Variants in KCNIP4 observed in about 807,000 individuals in gnomAD.
KCNIP4 encodes Kv channel-interacting protein 4.
KCNIP4 carries 12 observed loss-of-function variants against 34.0 expected under a neutral mutation model. That is an observed-to-expected ratio of 0.35 (90% confidence interval 0.23 to 0.57). The LOEUF is 0.57. KCNIP4 is among the 20% of genes least tolerant of loss of function. KCNIP4 has a pLI of 0.83. For synonymous variants in KCNIP4, 124 were observed against 102.2 expected, an observed-to-expected ratio of 1.21 and a Z score of -1.29; for missense variants, 238 against 311.7, an observed-to-expected ratio of 0.76 and a Z score of 1.78.
intron 1 of KCNIP4, among the ~76,000 whole-genome samples, chr4:21,114,890 C>T (rs867620634): frequency 6.6e-6 from 1 of 152,146 alleles, no homozygotes; most frequent in Non-Finnish European, 1.5e-5. Flanking sequence ...TATAAAGTCA[C>T]TCCTCCACTC....
intron 3 of KCNIP4, among the ~76,000 whole-genome samples, chr4:20,824,063 A>G (rs916951289): frequency 6.6e-6 from 1 of 152,180 alleles, no homozygotes; most frequent in African/African-American, 2.4e-5. Context: ...AATTCATAAT[A>G]ATGGTATCTA....
At chr4:21,822,546 T>C (rs983188744) in intron 1 of KCNIP4, among the ~76,000 whole-genome samples, 1 of 152,158 alleles carries the variant, frequency 6.6e-6, no homozygotes, top group Non-Finnish European at 1.5e-5. Context: ...ATTCATCTAG[T>C]GTTTTGTTCC....
At chr4:21,735,372 A>G (rs2109118875) in intron 1 of KCNIP4, among the ~76,000 whole-genome samples, 1 of 152,324 alleles carries the variant, frequency 6.6e-6, no homozygotes, top group East Asian at 1.9e-4. Context: ...TAAAACAAAG[A>G]TTACAAATAC....
chr4:21,574,517 C>G (rs1294643691), intron 1 of KCNIP4, among the ~76,000 whole-genome samples: 1 of 152,028 alleles, frequency 6.6e-6, no homozygotes, highest in Non-Finnish European at 1.5e-5. Flanking sequence ...TATATACTTA[C>G]AGGAGATGTT....
chr4:20,872,987 A>G (rs974368124), intron 2 of KCNIP4, among the ~76,000 whole-genome samples: 1 of 152,198 alleles, frequency 6.6e-6, no homozygotes, highest in Non-Finnish European at 1.5e-5. Flanking sequence ...CCTTATCTTG[A>G]TAAATTTCAC....
At chr4:20,932,461 TAGAC>T (rs1730579614) in intron 1 of KCNIP4, among the ~76,000 whole-genome samples, 1 of 128,284 alleles carries the variant, frequency 7.8e-6, no homozygotes, top group African/African-American at 3.6e-5. Flanking sequence ...TCTAATATTG[TAGAC>T]TATAATAGTC....
Position 20,837,623 on chromosome 4 carries a change from G to GATAT in KCNIP4, c.288+12916_288+12919dup, listed in dbSNP as rs34413889. Among the ~76,000 whole-genome samples, 765 of 143,874 alleles carry GATAT rather than the reference G, an allele frequency of 5.3e-3. 12 individuals carry two copies. The highest frequency in any genetic ancestry group is 0.018 in the African/African-American group (704 of 38,730). 94.4% of individuals were successfully genotyped at this position (143,874 alleles called of 152,430 possible). On this transcript the variant is annotated intron_variant, in intron 3 of 8. Coordinates refer to ENST00000382152, the MANE Select transcript of KCNIP4 (RefSeq NM_025221.6). ...AAAAATTATTTATTGAGTTCTCAGT[G>GATAT]ATATATATATATATAAATTATTTAT...
chr4:20,746,371 G>A (rs1012147454), intron 5 of KCNIP4, among the ~76,000 whole-genome samples: 18 of 151,996 alleles, frequency 1.2e-4, no homozygotes, highest in East Asian at 9.7e-4. Context: ...AGGGCATGTC[G>A]GAGGGTGGGG....
At chr4:21,210,933 A>G (rs959567528) in intron 1 of KCNIP4, among the ~76,000 whole-genome samples, 1 of 152,168 alleles carries the variant, frequency 6.6e-6, no homozygotes, top group Non-Finnish European at 1.5e-5. Context: ...CCACTTATAT[A>G]TTTTTTAGAA....
At chr4:21,816,746 G>T (rs1722011656) in intron 1 of KCNIP4, among the ~76,000 whole-genome samples, 1 of 152,090 alleles carries the variant, frequency 6.6e-6, no homozygotes, top group African/African-American at 2.4e-5. Flanking sequence ...TGACCCCAAA[G>T]CTTTCATTAG....
intron 1 of KCNIP4, among the ~76,000 whole-genome samples, chr4:21,079,877 C>G (rs545774590): frequency 3.3e-5 from 5 of 151,658 alleles, no homozygotes; most frequent in Non-Finnish European, 7.4e-5. Flanking sequence ...ACCCACAAGC[C>G]AAGTGATGGG....
At chr4:21,298,459 G>A (rs932143070) in intron 1 of KCNIP4, among the ~76,000 whole-genome samples, 1 of 152,064 alleles carries the variant, frequency 6.6e-6, no homozygotes, top group South Asian at 2.1e-4. Flanking sequence ...ATAAATAACA[G>A]TCGTCCTGGA....
rs751088823 is a variant in KCNIP4, at chr4:20,842,460, C to T, written c.288+8083G>A. 8.6e-5 allele frequency among the ~76,000 whole-genome samples: 13 copies of T among 151,794 alleles called. 1 individual carries two copies. Among genetic ancestry groups the T allele is most frequent in the African/African-American group, 4.8e-5 (2 of 41,330 alleles). ...GATGGTTGGTCAAGGCCTGGCTGAT[C>T]GTGAACTAGTTGGGTCACTGCAGTA... is the stretch of plus-strand genomic sequence containing the variant. On this transcript the variant is annotated intron_variant, in intron 3 of 8. Transcript: ENST00000382152.
intron 1 of KCNIP4, among the ~76,000 whole-genome samples, chr4:21,643,292 T>C (rs1359524844): frequency 1.3e-5 from 2 of 152,184 alleles, no homozygotes; most frequent in African/African-American, 2.4e-5. Flanking sequence ...TAGAGGACAT[T>C]GAGAAGAATA....
chr4:21,833,890 T>C (rs1723154794), intron 1 of KCNIP4, among the ~76,000 whole-genome samples: 1 of 152,174 alleles, frequency 6.6e-6, no homozygotes, highest in Non-Finnish European at 1.5e-5. Flanking sequence ...TTATCAAAGA[T>C]CAGATAGTTG....
intron 1 of KCNIP4, among the ~76,000 whole-genome samples, chr4:21,616,096 G>T (rs916380019): frequency 1.3e-5 from 2 of 152,046 alleles, no homozygotes; most frequent in African/African-American, 4.8e-5. Context: ...ACAAGCTCTG[G>T]CTCCCCAGTC....
At chr4:21,465,223 T>C (rs796844025) in intron 1 of KCNIP4, among the ~76,000 whole-genome samples, 53 of 152,278 alleles carry the variant, frequency 3.5e-4, no homozygotes, top group African/African-American at 1.2e-3. Context: ...AGAGTACTTA[T>C]AGTAAACATA....
chr4:21,532,811 T>C (rs191123959), intron 1 of KCNIP4, among the ~76,000 whole-genome samples: 5 of 152,176 alleles, frequency 3.3e-5, no homozygotes, highest in African/African-American at 1.2e-4. Context: ...TATATGGATC[T>C]CTGGAGGGGA....
At chr4:21,269,020 GATGGT>G (rs1167107842) in intron 1 of KCNIP4, among the ~76,000 whole-genome samples, 1 of 152,194 alleles carries the variant, frequency 6.6e-6, no homozygotes, top group Non-Finnish European at 1.5e-5. Context: ...AAGCACACAA[GATGGT>G]ATGTCAAGGG....
Sources: allele counts gnomAD v4.1 joint callset (sites outside exome capture counted in the v4.1 genomes callset), GRCh38; gene constraint gnomAD v4.1.1; transcripts MANE v1.5; gene names NCBI Gene and HGNC (gene_info 2026-07-23, HGNC 2026-07-21).